TRPM3: variants seen among roughly 807,000 people sequenced by gnomAD.
TRPM3 encodes long transient receptor potential channel 3.
TRPM3 carries 77 observed loss-of-function variants against 181.2 expected under a neutral mutation model. The ratio of observed to expected loss-of-function variants is 0.42; its 90% CI spans 0.35 to 0.51. TRPM3 has a LOEUF of 0.51. Among genes scored for constraint, TRPM3 ranks in the 20% least tolerant of loss-of-function variants. The pLI, the probability that TRPM3 is intolerant of heterozygous loss-of-function variation, is 0.01. For synonymous variants in TRPM3, 745 were observed against 796.4 expected, an observed-to-expected ratio of 0.94 and a Z score of 1.09; for missense variants, 1,759 against 2,196.7, an observed-to-expected ratio of 0.80 and a Z score of 3.98.
chr9:70,886,254 T>C (rs559397756), intron 1 of TRPM3, among the ~76,000 whole-genome samples: 1 of 152,218 alleles, frequency 6.6e-6, no homozygotes, highest in South Asian at 2.1e-4. Flanking sequence ...TTAATAGATA[T>C]AAATTAAACC....
At chr9:71,399,526 G>C (rs12377995) in intron 1 of TRPM3, among the ~76,000 whole-genome samples, 2 of 62,684 alleles carry the variant, frequency 3.2e-5, no homozygotes, top group South Asian at 5.2e-4. Context: ...ATTTTCTTTT[G>C]TTTTTTTTTT....
chr9:71,315,964 C>G (rs1171353547), intron 1 of TRPM3, among the ~76,000 whole-genome samples: 3 of 152,084 alleles, frequency 2.0e-5, no homozygotes, highest in Non-Finnish European at 4.4e-5. Flanking sequence ...TAAATATACT[C>G]TAGGCAAGAA....
chr9:71,246,051 A>G lies in TRPM3; in HGVS notation c.183+200602T>C, dbSNP rs574212766. On this transcript the variant is annotated intron_variant, in intron 1 of 24. Transcript: ENST00000357533. The stretch of plus-strand genomic sequence containing the variant: ...TGATTGGAATTTTACATGTTTTACA[A>G]CTTTTAAAATTACACAATGGTACTT... Among the ~76,000 whole-genome samples, 24 of 152,326 alleles carry G rather than the reference A, an allele frequency of 1.6e-4. No homozygotes were observed. The South Asian group carries it at 4.8e-3, about 30-fold the overall frequency.
chr9:71,081,566 G>C (rs2064350766), intron 1 of TRPM3, among the ~76,000 whole-genome samples: 1 of 152,146 alleles, frequency 6.6e-6, no homozygotes, highest in African/African-American at 2.4e-5. Context: ...AAGATGCCAA[G>C]ACAAGAATCC....
chr9:71,093,737 G>A (rs1187458545), intron 1 of TRPM3, among the ~76,000 whole-genome samples: 1 of 152,114 alleles, frequency 6.6e-6, no homozygotes, highest in Non-Finnish European at 1.5e-5. Context: ...CCATTACTGG[G>A]TATATACCCA....
chr9:70,854,056 C>T (rs751284617), intron 3 of TRPM3, among the ~76,000 whole-genome samples: 1 of 152,176 alleles, frequency 6.6e-6, no homozygotes, highest in Non-Finnish European at 1.5e-5. Flanking sequence ...AGCAGCTCCA[C>T]GCTCATAAAT....
chr9:70,752,114 G>A (rs1413713641), intron 8 of TRPM3, among the ~76,000 whole-genome samples: 2 of 151,374 alleles, frequency 1.3e-5, no homozygotes, highest in East Asian at 3.9e-4. Context: ...TTATCTATAA[G>A]AGCAAAGGGC....
chr9:70,685,335 C>T (rs1387650116), intron 8 of TRPM3, among the ~76,000 whole-genome samples: 1 of 151,990 alleles, frequency 6.6e-6, no homozygotes, highest in Non-Finnish European at 1.5e-5. Context: ...TTTCATTCCT[C>T]TCTCTGTTTC....
chr9:70,998,790 A>G (rs553372013), intron 1 of TRPM3, among the ~76,000 whole-genome samples: 49 of 152,290 alleles, frequency 3.2e-4, no homozygotes, highest in African/African-American at 1.1e-3. Context: ...AAAATGGACG[A>G]TTTCACTATT....
intron 1 of TRPM3, among the ~76,000 whole-genome samples, chr9:70,947,133 A>T (rs777271642): frequency 3.3e-5 from 5 of 152,232 alleles, no homozygotes; most frequent in African/African-American, 9.6e-5. Flanking sequence ...TTTAGAATAA[A>T]CTGAAAAAAG....
At chr9:70,686,837 C>T (rs374504037) in intron 8 of TRPM3, among the ~76,000 whole-genome samples, 30,103 of 55,106 alleles carry the variant, frequency 0.55, 6,836 homozygotes, top group African/African-American at 0.63. Flanking sequence ...TTTTTTTTTT[C>T]TTTTTTGAGA....
intron 1 of TRPM3, among the ~76,000 whole-genome samples, chr9:71,329,486 G>A (rs951447719): frequency 5.3e-5 from 8 of 152,064 alleles, no homozygotes; most frequent in African/African-American, 1.9e-4. Context: ...AAGTTCAAAG[G>A]GGCCATAAAG....
chr9:70,566,691 T>C (rs1343359804), intron 22 of TRPM3, among the ~76,000 whole-genome samples: 1 of 152,174 alleles, frequency 6.6e-6, no homozygotes, highest in Non-Finnish European at 1.5e-5. Flanking sequence ...TTACATGAAA[T>C]AGGGAATGGC....
At chr9:71,133,290 T>C (rs1285751743) in intron 1 of TRPM3, among the ~76,000 whole-genome samples, 2 of 99,122 alleles carry the variant, frequency 2.0e-5, no homozygotes, top group Non-Finnish European at 4.1e-5. Context: ...TCTAGCAAAT[T>C]GCTTTTTTTT....
At chr9:71,158,212 A>G (rs35829352) in intron 1 of TRPM3, among the ~76,000 whole-genome samples, 33,604 of 152,010 alleles carry the variant, frequency 0.22, 4,195 homozygotes, top group African/African-American at 0.34. Context: ...ATATGCCCCT[A>G]GTTGATTCCC....
chr9:70,944,471 G>T (rs139854608), intron 1 of TRPM3, among the ~76,000 whole-genome samples: 2 of 151,752 alleles, frequency 1.3e-5, no homozygotes, highest in African/African-American at 4.8e-5. Flanking sequence ...CTTTCTTCTC[G>T]CTCTCCTTTT....
intron 1 of TRPM3, among the ~76,000 whole-genome samples, chr9:71,398,939 CATCT>C (rs1442958112): frequency 1.3e-5 from 2 of 151,976 alleles, no homozygotes; most frequent in Non-Finnish European, 2.9e-5. Context: ...AATTCTTTTT[CATCT>C]ATTAAAGAAA....
At chr9:71,094,017 A>G (rs1158269235) in intron 1 of TRPM3, among the ~76,000 whole-genome samples, 1 of 146,756 alleles carries the variant, frequency 6.8e-6, no homozygotes, top group Non-Finnish European at 1.5e-5. Context: ...GTTCTCACTC[A>G]TAAGTGGGAG....
intron 19 of TRPM3, among the ~76,000 whole-genome samples, chr9:70,606,479 C>G (rs1404133504): frequency 6.6e-6 from 1 of 152,046 alleles, no homozygotes; most frequent in East Asian, 1.9e-4. Context: ...TATTTTGGGA[C>G]AACTCTCAAA....
Sources: gnomAD v4.1 joint callset for allele counts (sites outside exome capture counted in the v4.1 genomes callset) on GRCh38, gnomAD v4.1.1 for gene constraint, MANE v1.5 for transcripts, NCBI Gene and HGNC (gene_info 2026-07-23, HGNC 2026-07-21) for gene names.